The following DGKQ variants were observed in gnomAD, a reference collection of about 807,000 sequenced individuals.
DGKQ encodes the protein DAG kinase theta.
A neutral mutation model predicts 104.2 loss-of-function variants in DGKQ; 97 were observed. The ratio of observed to expected loss-of-function variants is 0.93; its 90% CI spans 0.79 to 1.10. DGKQ has a LOEUF of 1.10. Ranked by LOEUF, DGKQ falls within the 50% of genes least tolerant of loss-of-function variation. The pLI is 0.00. For missense variants in DGKQ, 1,465 were observed against 1,352.1 expected (o/e 1.08, Z -1.31); for synonymous variants, 736 against 595.2 (o/e 1.24, Z -3.44).
chr4:973,438 G>A lies in DGKQ; in HGVS notation c.45C>T (p.Gly15=). The A allele has an allele frequency of 1.0e-6, 1 of 988,240 alleles. No individual in the cohort carries two copies. Among genetic ancestry groups the A allele is most frequent in the Non-Finnish European group, 1.2e-6 (1 of 833,166 alleles). 61.2% of individuals were successfully genotyped at this position (988,240 alleles called of 1,614,324 possible). Residue 15 remains glycine, a synonymous_variant, in exon 1 of 23, where the codon GGC becomes GGT. Transcript: ENST00000273814. The part of the protein sequence containing the change: ...AEPGARAWLG[G]GSPRPGSPAC... ...CCGGGCTGCCGGGGCGCGGGGAGCCGCCGCCCAGCCAGGCGCGGGCCCCGG... is the reference window on the plus strand; with the variant it reads ...CCGGGCTGCCGGGGCGCGGGGAGCCACCGCCCAGCCAGGCGCGGGCCCCGG...
In DGKQ at chr4:970,916, T is replaced by C. The variant is rs1315701501; in HGVS notation, c.351+77A>G. ...GTATCACTAACGTCTGACATGAAGG[T>C]TTTCAGTGCCTCGACCCTACGAGAG... On this transcript the variant is annotated intron_variant, in intron 2 of 22. Transcript: ENST00000273814. The C allele has an allele frequency of 4.2e-6, 5 of 1,178,296 alleles. No homozygotes were observed. The African/African-American group carries it at 6.1e-5, about 14-fold the overall frequency. 73.0% of individuals were successfully genotyped at this position (1,178,296 alleles called of 1,614,324 possible). A position where few individuals can be genotyped will look rare whatever the true frequency, so the allele number is the denominator to read the frequency against.
chr4:964,964 C>T (rs940548189), intron 15 of DGKQ, among the ~76,000 whole-genome samples: 2 of 152,130 alleles, frequency 1.3e-5, no homozygotes, highest in African/African-American at 4.8e-5. Context: ...ACCCTCTGAC[C>T]TCAGGCCCCT....
At chr4:970,919 T>C in intron 2 of DGKQ, 74 bp downstream of exon 2, 10 of 1,209,586 alleles carry the variant, frequency 8.3e-6, no homozygotes, top group African/African-American at 1.5e-5. Context: ...ATGAAGGTTT[T>C]CAGTGCCTCG....
Position 966,052 on chromosome 4 carries a change from C to A in DGKQ, c.1455G>T (p.Thr485=), listed in dbSNP as rs142252547. ...CCCTGCTCTCTGCCACGTAGAACCG[C>A]GTCTGGCTCACCTGCCGCACAGACA... The part of the protein sequence containing the change: ...RQMSVRQVSQ[T]RFYVAESRDV... Residue 485 remains threonine, a synonymous_variant, in exon 13 of 23, where the codon ACG becomes ACT. Transcript: ENST00000273814. The A allele has an allele frequency of 4.4e-6, 7 of 1,603,198 alleles. No homozygotes were observed. Among genetic ancestry groups the A allele is most frequent in the Admixed American group, 1.7e-5 (1 of 58,472 alleles).
At position 967,263 on chromosome 4, in the gene DGKQ, C is replaced by T; in HGVS notation, c.1086G>A (p.Gly362=). Residue 362 remains glycine, a synonymous_variant, in exon 9 of 23, where the codon GGG becomes GGA. Coordinates refer to ENST00000273814, the MANE Select transcript of DGKQ (RefSeq NM_001347.4). ...AGATCACAGCACTCCCAGCCTTGCC[C>T]CCAGCCCAGGCGTCACAGGCCTGAG... ...PSSQACDAWA[G]GKAGSAVISE... 6.4e-7 allele frequency: 1 copy of T among 1,556,672 alleles called. No homozygotes were observed. The highest frequency in any genetic ancestry group is 8.7e-7 in the Non-Finnish European group (1 of 1,155,124).
chr4:972,697 G>A (rs1233977924), intron 1 of DGKQ, among the ~76,000 whole-genome samples: 1 of 152,158 alleles, frequency 6.6e-6, no homozygotes, highest in East Asian at 1.9e-4. Context: ...GCCAGCCCTG[G>A]GAGCACCCGG....
In DGKQ at chr4:962,461, C is replaced by T. The variant is rs760547361; in HGVS notation, c.2188G>A (p.Asp730Asn). ...DAHEAGSAEN[D>N]TADAEPPKIV... ...TTGGGGGGCTCTGCGTCTGCCGTGT[C>T]GTTCTCTGCACTGCCAGCCTCGTGG... Residue 730 changes from aspartate (D) to asparagine (N), a missense_variant, in exon 18 of 23, where the codon GAC becomes AAC. Asp to Asn is a conservative substitution (Grantham distance 23). Coordinates refer to ENST00000273814, the MANE Select transcript of DGKQ (RefSeq NM_001347.4). The T allele has an allele frequency of 1.1e-5, 18 of 1,597,782 alleles. No individual in the cohort carries two copies. Among genetic ancestry groups the T allele is most frequent in the African/African-American group, 5.4e-5 (4 of 74,708 alleles).
intron 2 of DGKQ, among the ~76,000 whole-genome samples, chr4:970,636 GCCAGATGCC>G (rs1712852971): frequency 6.6e-6 from 1 of 152,104 alleles, no homozygotes; most frequent in Admixed American, 6.5e-5. Flanking sequence ...CTGAGGTCAC[GCCAGATGCC>G]GAAATCTCCA....
chr4:962,981 C>A, intron 16 of DGKQ, 61 bp from the exon 17 acceptor site: 1 of 1,550,562 alleles, frequency 6.4e-7, no homozygotes, highest in Non-Finnish European at 8.7e-7. Context: ...CCCACCCAGG[C>A]TGCCTCTTCC....
In DGKQ at chr4:968,479, G is replaced by C. The variant is rs756545027; in HGVS notation, c.537C>G (p.His179Gln). 8.7e-6 allele frequency: 14 copies of C among 1,604,060 alleles called. No homozygotes were observed. Among genetic ancestry groups the C allele is most frequent in the Non-Finnish European group, 1.2e-5 (14 of 1,175,790 alleles). The stretch of plus-strand genomic sequence containing the variant: ...GGCTCCCTGGGGCCGGTACACTCAC[G>C]TGATCCTGGTGCCCATCCTGGTGGC... ...RQCHQDGHQD[H>Q]DTHHHHWREG... The change falls in exon 4 of 23, where the codon CAC becomes CAG. Residue 179 changes from histidine to glutamine, a missense_variant and splice_region_variant. By Grantham distance (24) the His-to-Gln change is conservative (BLOSUM62 0). Transcript: ENST00000273814.
intron 15 of DGKQ, among the ~76,000 whole-genome samples, chr4:964,547 GCC>G (rs1168743616): frequency 1.3e-5 from 2 of 150,992 alleles, no homozygotes; most frequent in Non-Finnish European, 3.0e-5. Flanking sequence ...CCCCGGCCCT[GCC>G]CTGTCTCCAT....
Position 967,613 on chromosome 4 carries a change from G to C in DGKQ, c.923C>G (p.Ala308Gly), listed in dbSNP as rs755708997. The change falls in exon 8 of 23, where the codon GCG (alanine) becomes GGG (glycine). Residue 308 changes from alanine to glycine, a missense_variant. By Grantham distance (60) the Ala-to-Gly change is moderately conservative. Coordinates refer to ENST00000273814, the MANE Select transcript of DGKQ (RefSeq NM_001347.4). ...GAGGCGGAACTGGCTTCTTCTCACC[G>C]CGTCGTCGCCATCAAAGATCTTCAG... ...QTLKIFDGDDAVRRSQFRLVT... is the reference protein window; with the variant it reads ...QTLKIFDGDDGVRRSQFRLVT... The C allele has an allele frequency of 6.2e-7, 1 of 1,612,668 alleles. No homozygotes were observed. The highest frequency in any genetic ancestry group is 8.5e-7 in the Non-Finnish European group (1 of 1,179,892).
chr4:969,608 T>TTGC, intron 2 of DGKQ, among the ~76,000 whole-genome samples: 1 of 138,700 alleles, frequency 7.2e-6, no homozygotes, highest in Non-Finnish European at 1.5e-5. Context: ...GTTAAATATA[T>TTGC]CTCCTTTTTT....
At chr4:962,123 C>T (rs1264591200) in intron 18 of DGKQ, 41 bp from the exon 19 acceptor site, 1 of 1,548,324 alleles carries the variant, frequency 6.5e-7, no homozygotes, top group East Asian at 2.2e-5. Flanking sequence ...CGGCCGCCCT[C>T]ACCAGGCCCC....
chr4:965,419 G>T, intron 14 of DGKQ, 72 bp downstream of exon 14: 1 of 1,550,654 alleles, frequency 6.4e-7, no homozygotes. Context: ...CTACGTGAGG[G>T]CCAGGGCTGT....
Position 962,088 on chromosome 4 carries a change from G to A in DGKQ, c.2215-6C>T. 4 of 1,609,062 alleles carry A rather than the reference G, an allele frequency of 2.5e-6. No individual in the cohort carries two copies. The highest frequency in any genetic ancestry group is 2.2e-5 in the South Asian group (2 of 91,066). On this transcript the variant is annotated splice_region_variant and splice_polypyrimidine_tract_variant and intron_variant, in intron 18 of 22. Coordinates refer to ENST00000273814, the MANE Select transcript of DGKQ (RefSeq NM_001347.4). ...TAGTTACTCATCTGCACGATCTGGG[G>A]ACAGGGCGTTCATCTCCCAGGACCC...
chr4:963,097 G>T (rs772216516), intron 16 of DGKQ, 42 bp downstream of exon 16: 20 of 1,559,994 alleles, frequency 1.3e-5, no homozygotes, highest in Non-Finnish European at 1.7e-5. Flanking sequence ...GGCCCTTCCC[G>T]CCCCTGCTGC....
intron 14 of DGKQ, 46 bp downstream of exon 14, chr4:965,445 G>T: frequency 1.3e-6 from 2 of 1,597,840 alleles, no homozygotes; most frequent in South Asian, 1.1e-5. Context: ...TTCACCCCAG[G>T]AACACCCCTG....
chr4:968,418 G>C lies in DGKQ; in HGVS notation c.538-11C>G. On this transcript the variant is annotated splice_polypyrimidine_tract_variant and intron_variant, in intron 4 of 22. Transcript: ENST00000273814. ...GTGGTGATGGGTGTCCTGCAGAGCG[G>C]GGGCAGTCAGCAGCTGGGCCCGCCC... The C allele has an allele frequency of 1.3e-6, 2 of 1,583,970 alleles. No homozygotes were observed. Among genetic ancestry groups the C allele is most frequent in the Middle Eastern group, 1.8e-4 (1 of 5,668 alleles).
Sources: allele counts gnomAD v4.1 joint callset (sites outside exome capture counted in the v4.1 genomes callset), GRCh38; gene constraint gnomAD v4.1.1; transcripts MANE v1.5; gene names NCBI Gene and HGNC (gene_info 2026-07-23, HGNC 2026-07-21).